The following MAD1L1 variants were observed in gnomAD, a reference collection of about 807,000 sequenced individuals.
MAD1L1 encodes the protein mitotic arrest deficient 1 like 1, also known as mitotic spindle assembly checkpoint protein MAD1.
MAD1L1 carries 95 observed loss-of-function variants against 96.9 expected under a neutral mutation model. The observed-to-expected ratio is 0.98, with a 90% CI of 0.83 to 1.16. The LOEUF is 1.16. Ranked by LOEUF, MAD1L1 falls within the 50% of genes most tolerant of loss-of-function variation. The pLI is 0.00. For synonymous variants in MAD1L1, 473 were observed against 396.6 expected (o/e 1.19, Z -2.29); for missense variants, 1,007 against 954.4 (o/e 1.06, Z -0.73).
intron 18 of MAD1L1, among the ~76,000 whole-genome samples, chr7:1,817,951 C>G (rs1037728651): frequency 9.2e-5 from 14 of 152,052 alleles, no homozygotes; most frequent in Non-Finnish European, 1.9e-4. Context: ...GTTCCTGCAC[C>G]TCCTGTTTCT....
chr7:2,230,151 G>A lies in MAD1L1; in HGVS notation c.-10-8C>T, dbSNP rs947928412. 1 of 1,575,824 alleles carries A rather than the reference G, an allele frequency of 6.3e-7. No homozygotes were observed. Among genetic ancestry groups the A allele is most frequent in the Non-Finnish European group, 8.6e-7 (1 of 1,160,018 alleles). ...TCTTCCATGGTTGCTTTCCTTCCGG[G>A]GACAGACAAAGGACTGGTCAGGGGC... On this transcript the variant is annotated splice_polypyrimidine_tract_variant and splice_region_variant and intron_variant, in intron 2 of 18. Coordinates refer to ENST00000265854, the MANE Select transcript of MAD1L1 (RefSeq NM_001013836.2).
At chr7:2,188,186 A>G (rs982309419) in intron 10 of MAD1L1, among the ~76,000 whole-genome samples, 1 of 152,244 alleles carries the variant, frequency 6.6e-6, no homozygotes, top group Non-Finnish European at 1.5e-5. Flanking sequence ...GACAGTTTGA[A>G]AAGATTATTC....
chr7:1,982,694 T>G (rs945943670), intron 14 of MAD1L1, among the ~76,000 whole-genome samples: 3 of 152,256 alleles, frequency 2.0e-5, no homozygotes, highest in Non-Finnish European at 4.4e-5. Flanking sequence ...TACCTTGGGT[T>G]TCTTTCCCTT....
intron 12 of MAD1L1, among the ~76,000 whole-genome samples, chr7:2,025,620 T>C (rs1782963164): frequency 6.6e-6 from 1 of 152,098 alleles, no homozygotes; most frequent in African/African-American, 2.4e-5. Flanking sequence ...CACAGGGGAA[T>C]AAAAAGGGTT....
intron 16 of MAD1L1, among the ~76,000 whole-genome samples, chr7:1,939,610 T>C (rs1390084709): frequency 1.3e-5 from 2 of 152,214 alleles, no homozygotes; most frequent in Admixed American, 1.3e-4. Context: ...TCCTCCCCTT[T>C]GGCAATGAGT....
At chr7:1,933,010 T>G (rs1234222029) in intron 17 of MAD1L1, among the ~76,000 whole-genome samples, 1 of 152,234 alleles carries the variant, frequency 6.6e-6, no homozygotes, top group Non-Finnish European at 1.5e-5. Flanking sequence ...GCTGCCCTGT[T>G]GTTTGGTTGC....
intron 11 of MAD1L1, among the ~76,000 whole-genome samples, chr7:2,070,927 G>A (rs1785094800): frequency 6.6e-6 from 1 of 152,118 alleles, no homozygotes; most frequent in Non-Finnish European, 1.5e-5. Flanking sequence ...GCAGTGGTTT[G>A]GGGAAGGGAA....
chr7:1,919,155 G>A (rs569862294), intron 17 of MAD1L1, among the ~76,000 whole-genome samples: 1 of 152,256 alleles, frequency 6.6e-6, no homozygotes, highest in Non-Finnish European at 1.5e-5. Context: ...GCTCACAACT[G>A]CCCCAGGACC....
intron 11 of MAD1L1, among the ~76,000 whole-genome samples, chr7:2,147,743 G>C (rs1025618223): frequency 6.6e-6 from 1 of 152,350 alleles, no homozygotes; most frequent in East Asian, 1.9e-4. Context: ...CTGAGACAGA[G>C]ACCCCATTCC....
At position 2,218,053 on chromosome 7, in the gene MAD1L1, G is replaced by A. The variant is rs369112380; in HGVS notation, c.597-10C>T. 1.2e-6 allele frequency: 2 copies of A among 1,606,406 alleles called. No homozygotes were observed. Among genetic ancestry groups the A allele is most frequent in the Non-Finnish European group, 1.7e-6 (2 of 1,173,092 alleles). ...GGCTTCCTGGCATTTTCTATTGAAAGAAAAATACATCACACACAGAAACAG... is the reference window on the plus strand; with the variant it reads ...GGCTTCCTGGCATTTTCTATTGAAAAAAAAATACATCACACACAGAAACAG... On this transcript the variant is annotated splice_polypyrimidine_tract_variant and intron_variant, in intron 6 of 18. Transcript: ENST00000265854.
intron 15 of MAD1L1, among the ~76,000 whole-genome samples, chr7:1,965,662 G>C (rs1340271251): frequency 6.6e-6 from 1 of 152,236 alleles, no homozygotes; most frequent in Non-Finnish European, 1.5e-5. Context: ...ACACTACCAC[G>C]GGCTCAGCCC....
intron 9 of MAD1L1, among the ~76,000 whole-genome samples, 184 bp downstream of exon 9, chr7:2,215,701 G>A (rs1793231752): frequency 6.6e-6 from 1 of 152,196 alleles, no homozygotes; most frequent in South Asian, 2.1e-4. Flanking sequence ...CAGGGAAGGT[G>A]CTGTGTTCAC....
chr7:2,045,388 G>T (rs750690375), intron 12 of MAD1L1, among the ~76,000 whole-genome samples: 6 of 152,102 alleles, frequency 3.9e-5, no homozygotes, highest in African/African-American at 1.4e-4. Context: ...AGGCTGCCGG[G>T]TGCCCTCTCA....
chr7:1,951,078 G>T (rs768977673), intron 16 of MAD1L1, among the ~76,000 whole-genome samples: 1 of 152,268 alleles, frequency 6.6e-6, no homozygotes, highest in African/African-American at 2.4e-5. Context: ...TCACCCGGGA[G>T]GCTGCTCCCC....
intron 17 of MAD1L1, among the ~76,000 whole-genome samples, chr7:1,908,051 A>G (rs6461005): frequency 0.45 from 69,204 of 152,118 alleles, 16,009 homozygotes; most frequent in Admixed American, 0.55. Flanking sequence ...GACATGGGTG[A>G]CCAGACAGTA....
chr7:2,210,450 T>TGCGGCATGAGCACCACC (rs1562375185), intron 10 of MAD1L1, among the ~76,000 whole-genome samples: 3 of 134,838 alleles, frequency 2.2e-5, no homozygotes, highest in Non-Finnish European at 5.0e-5. Flanking sequence ...TCCCGTGGAC[T>TGCGGCATGAGCACCACC]CTCTAGGAGC....
chr7:2,175,425 A>C (rs1052352562), intron 10 of MAD1L1: 1 of 145,518 alleles, frequency 6.9e-6, no homozygotes, highest in Non-Finnish European at 1.5e-5. Flanking sequence ...CAACTCTCCA[A>C]TTACATTCCA....
At chr7:2,092,405 T>G (rs73034411) in intron 11 of MAD1L1, among the ~76,000 whole-genome samples, 3,787 of 152,242 alleles carry the variant, frequency 0.025, 75 homozygotes, top group Middle Eastern at 0.054. Context: ...ATCACAGGTG[T>G]GCATGACCAC....
intron 11 of MAD1L1, among the ~76,000 whole-genome samples, chr7:2,144,745 G>A (rs974639533): frequency 3.3e-5 from 5 of 152,108 alleles, no homozygotes; most frequent in South Asian, 2.1e-4. Flanking sequence ...AGCAGAGGGC[G>A]CACCAGATCC....
Sources: gnomAD v4.1 joint callset for allele counts (sites outside exome capture counted in the v4.1 genomes callset) on GRCh38, gnomAD v4.1.1 for gene constraint, MANE v1.5 for transcripts, NCBI Gene and HGNC (gene_info 2026-07-23, HGNC 2026-07-21) for gene names.